Variants in COX7A2L observed in about 807,000 individuals in gnomAD.
COX7A2L encodes cytochrome c oxidase subunit 7A2 like.
Under a neutral mutation model 14.2 loss-of-function variants are expected in COX7A2L, and 18 were observed. That is an observed-to-expected ratio of 1.27 (90% CI 0.88 to 1.88). The LOEUF (loss-of-function observed/expected upper bound fraction) is 1.88. Ranked by LOEUF, COX7A2L falls within the 40% of genes most tolerant of loss-of-function variation. COX7A2L has a pLI of 0.00. For synonymous variants in COX7A2L, 65 were observed against 57.4 expected, an observed-to-expected ratio of 1.13 and a Z score of -0.60; for missense variants, 179 against 138.8, an observed-to-expected ratio of 1.29 and a Z score of -1.46.
At chr2:42,360,038 T>TAG (rs1183337960) in intron 1 of COX7A2L, 1 of 152,204 alleles carries the variant, frequency 6.6e-6, no homozygotes, top group African/African-American at 2.4e-5. Flanking sequence ...AAATCTTTCT[T>TAG]AAACATCTGC....
At chr2:42,353,372 T>G in intron 1 of COX7A2L, 29 bp from the exon 2 acceptor site, 1 of 1,611,552 alleles carries the variant, frequency 6.2e-7, no homozygotes, top group Non-Finnish European at 8.5e-7. Context: ...AAATGGCAAG[T>G]TGAAAGTATG....
upstream of COX7A2L, among the ~76,000 whole-genome samples, chr2:42,363,876 G>A (rs763633978): frequency 7.2e-5 from 11 of 152,192 alleles, no homozygotes; most frequent in African/African-American, 2.7e-4. Context: ...CCAGCTCCTG[G>A]TGAATCTGAA....
chr2:42,358,736 C>G (rs948315526), intron 1 of COX7A2L, among the ~76,000 whole-genome samples: 1 of 152,196 alleles, frequency 6.6e-6, no homozygotes, highest in Non-Finnish European at 1.5e-5. Context: ...GCAAGGTAAT[C>G]TCTGCTGAGC....
At chr2:42,347,434 TA>T (rs981004999), downstream of COX7A2L, among the ~76,000 whole-genome samples, 2 of 151,390 alleles carry the variant, frequency 1.3e-5, no homozygotes, top group African/African-American at 4.9e-5. Context: ...AAATGACAGC[TA>T]AAGATTATGC....
rs1055955976 is a variant in COX7A2L, at chr2:42,349,794, C to T, written c.*1425G>A. 22 of 152,144 alleles carry T rather than the reference C, an allele frequency of 1.4e-4. No individual in the cohort carries two copies. Among genetic ancestry groups the T allele is most frequent in the African/African-American group, 3.9e-4 (16 of 41,416 alleles). 9.4% of individuals were successfully genotyped at this position (152,144 alleles called of 1,614,324 possible). A position where few individuals can be genotyped will look rare whatever the true frequency, so the allele number is the denominator to read the frequency against. On this transcript the variant is annotated 3_prime_UTR_variant, in exon 3 of 3. Transcript: ENST00000234301. ...ACACATGTCCTTACTCAGAAGATAC[C>T]TGCTAAAGTACTATGGCTGATTTAT...
chr2:42,356,374 C>A (rs1301252681), intron 1 of COX7A2L, among the ~76,000 whole-genome samples: 1 of 152,220 alleles, frequency 6.6e-6, no homozygotes, highest in Non-Finnish European at 1.5e-5. Flanking sequence ...TGTCTCCCCC[C>A]ACTATAATGG....
Position 42,351,291 on chromosome 2 carries a change from C to T in COX7A2L, c.273G>A (p.Met91Ile). 1 of 1,614,142 alleles carries T rather than the reference C, an allele frequency of 6.2e-7. No homozygotes were observed. The highest frequency in any genetic ancestry group is 1.1e-5 in the South Asian group (1 of 91,076). ...AGATGGTCCCTCCCACAGTCAGCGC[C>T]ATGGTGGTCCGGTAAAGCATTTGGT... ...LPDQMLYRTT[M>I]ALTVGGTIYC... The change falls in exon 3 of 3, where the codon ATG becomes ATA. Residue 91 changes from methionine to isoleucine, a missense_variant. Coordinates refer to ENST00000234301, the MANE Select transcript of COX7A2L (RefSeq NM_004718.4).
At chr2:42,346,867 G>A (rs960860366), downstream of COX7A2L, among the ~76,000 whole-genome samples, 4 of 151,440 alleles carry the variant, frequency 2.6e-5, no homozygotes, top group African/African-American at 9.7e-5. Flanking sequence ...CTTTTTTTAT[G>A]AGCTATCTAT....
chr2:42,357,613 C>CT (rs1464583520), intron 1 of COX7A2L, among the ~76,000 whole-genome samples: 2 of 152,080 alleles, frequency 1.3e-5, no homozygotes, highest in Non-Finnish European at 2.9e-5. Flanking sequence ...CACCTGACCT[C>CT]TATTTATTTC....
At chr2:42,345,482 A>C (rs2103879202), downstream of COX7A2L, among the ~76,000 whole-genome samples, 1 of 151,302 alleles carries the variant, frequency 6.6e-6, no homozygotes, top group Non-Finnish European at 1.5e-5. Context: ...GCAAAAAAAA[A>C]AACTGTCAGT....
chr2:42,345,170 G>C (rs2103878874), downstream of COX7A2L, among the ~76,000 whole-genome samples: 1 of 152,014 alleles, frequency 6.6e-6, no homozygotes, highest in East Asian at 1.9e-4. Context: ...ATCACCTGAG[G>C]TCAGGAGTTC....
In COX7A2L at chr2:42,350,178, C is replaced by A. The variant is rs1319552725; in HGVS notation, c.*1041G>T. On this transcript the variant is annotated 3_prime_UTR_variant, in exon 3 of 3. Coordinates refer to ENST00000234301, the MANE Select transcript of COX7A2L (RefSeq NM_004718.4). ...TGCTATGGTAAGATACAAACTATTC[C>A]TTCATATATAATAAAATTCCACCTT... 6.6e-6 allele frequency: 1 copy of A among 152,034 alleles called. No individual in the cohort carries two copies. Among genetic ancestry groups the A allele is most frequent in the African/African-American group, 2.4e-5 (1 of 41,370 alleles). 9.4% of individuals were successfully genotyped at this position (152,034 alleles called of 1,614,324 possible). A position where few individuals can be genotyped will look rare whatever the true frequency, so the allele number is the denominator to read the frequency against.
intron 2 of COX7A2L, among the ~76,000 whole-genome samples, chr2:42,352,282 G>A (rs533465185): frequency 4.6e-5 from 7 of 152,146 alleles, no homozygotes; most frequent in East Asian, 1.9e-4. Flanking sequence ...TGATCCTCCC[G>A]CCTCGGCCTC....
chr2:42,348,632 C>T (rs969834197), downstream of COX7A2L, among the ~76,000 whole-genome samples: 1 of 152,102 alleles, frequency 6.6e-6, no homozygotes, highest in African/African-American at 2.4e-5. Flanking sequence ...TAAACAGTCA[C>T]AACATGCTGG....
chr2:42,341,328 T>C (rs1208059529), intron 2 of COX7A2L, among the ~76,000 whole-genome samples: 1 of 152,172 alleles, frequency 6.6e-6, no homozygotes, highest in Non-Finnish European at 1.5e-5. Context: ...AGCCAGGTCA[T>C]GGCGTCGCAG....
chr2:42,350,910 CCT>C lies in COX7A2L; in HGVS notation c.*307_*308del, dbSNP rs1558630713. On this transcript the variant is annotated 3_prime_UTR_variant, in exon 3 of 3. Transcript: ENST00000234301. ...ATGCTCAAAAATGCAACCTCAAGTC[CCT>C]GAGGTCCTCAGCACAGACTGACATT... The C allele has an allele frequency of 5.1e-6, 1 of 194,514 alleles. No individual in the cohort carries two copies. The highest frequency in any genetic ancestry group is 1.2e-4 in the East Asian group (1 of 8,078). 12.0% of individuals were successfully genotyped at this position (194,514 alleles called of 1,614,324 possible).
intron 2 of COX7A2L, among the ~76,000 whole-genome samples, chr2:42,340,250 T>C (rs1400243567): frequency 6.6e-6 from 1 of 152,042 alleles, no homozygotes; most frequent in Admixed American, 6.5e-5. Context: ...ACCTCCCCTC[T>C]CCAGGGACGG....
intron 1 of COX7A2L, among the ~76,000 whole-genome samples, chr2:42,360,419 C>G (rs1026433949): frequency 6.6e-6 from 1 of 152,194 alleles, no homozygotes; most frequent in Non-Finnish European, 1.5e-5. Flanking sequence ...TAAAATCCCT[C>G]ATGTTTACCC....
chr2:42,368,318 C>T (rs781010270), intron 1 of COX7A2L, among the ~76,000 whole-genome samples: 5 of 152,146 alleles, frequency 3.3e-5, no homozygotes, highest in Non-Finnish European at 7.3e-5. Flanking sequence ...GAGAGCATTA[C>T]AAAAATCTCT....
Sources: allele counts gnomAD v4.1 joint callset (sites outside exome capture counted in the v4.1 genomes callset), GRCh38; gene constraint gnomAD v4.1.1; transcripts MANE v1.5; gene names NCBI Gene and HGNC (gene_info 2026-07-23, HGNC 2026-07-21).